Variants in BCLAF1 observed in about 807,000 individuals in gnomAD.
The protein encoded by BCLAF1 is BCL2 associated transcription factor 1.
Under a neutral mutation model 99.5 loss-of-function variants are expected in BCLAF1, and 10 were observed. The ratio of observed to expected loss-of-function variants is 0.10; its 90% CI spans 0.06 to 0.17. The LOEUF is 0.17. Among genes scored for constraint, BCLAF1 ranks in the 10% least tolerant of loss-of-function variants. The pLI, the probability that BCLAF1 is intolerant of heterozygous loss-of-function variation, is 1.00. For synonymous variants in BCLAF1, 255 were observed against 370.9 expected, an observed-to-expected ratio of 0.69 and a Z score of 3.59; for missense variants, 636 against 1,105.8, an observed-to-expected ratio of 0.58 and a Z score of 6.02.
chr6:136,277,955 T>C lies in BCLAF1; in HGVS notation c.926A>G (p.Asn309Ser), dbSNP rs1377970414. Residue 309 changes from asparagine (N) to serine (S), a missense_variant, in exon 4 of 13, where the codon AAT becomes AGT. By Grantham distance (46) the Asn-to-Ser change is conservative (BLOSUM62 1). Coordinates refer to ENST00000531224, the MANE Select transcript of BCLAF1 (RefSeq NM_014739.3). ...RSPAKTIAPQ[N>S]APRDESRGRS... Reference sequence around the variant, plus strand: ...GCCCCTAGACTCATCTCTTGGAGCATTCTGTGGTGCGATTGTCTTTGCAGG... The same window carrying C: ...GCCCCTAGACTCATCTCTTGGAGCACTCTGTGGTGCGATTGTCTTTGCAGG... The C allele has an allele frequency of 6.2e-7, 1 of 1,605,154 alleles. No individual in the cohort carries two copies. Among genetic ancestry groups the C allele is most frequent in the South Asian group, 1.1e-5 (1 of 90,328 alleles).
chr6:136,277,742 G>A (rs1313157760), intron 4 of BCLAF1, 123 bp downstream of exon 4: 2 of 1,148,438 alleles, frequency 1.7e-6, no homozygotes, highest in Non-Finnish European at 2.3e-6. Context: ...ATCTTAAAAT[G>A]AAGGAAGTCA....
chr6:136,269,780 TTGAC>T (rs1782257718), intron 8 of BCLAF1, 168 bp from the exon 9 acceptor site: 1 of 465,168 alleles, frequency 2.1e-6, no homozygotes. Flanking sequence ...AAAAATGTAC[TTGAC>T]TATTTTTACT....
chr6:136,269,638 G>T (rs758038031), intron 8 of BCLAF1, 26 bp from the exon 9 acceptor site: 2 of 1,530,006 alleles, frequency 1.3e-6, no homozygotes, highest in South Asian at 1.3e-5. Context: ...ATAAAATACA[G>T]ATTTCAGGGG....
At chr6:136,265,360 T>G (rs889490078) in intron 11 of BCLAF1, among the ~76,000 whole-genome samples, 1 of 152,168 alleles carries the variant, frequency 6.6e-6, no homozygotes, top group African/African-American at 2.4e-5. Flanking sequence ...AACTTAATCT[T>G]TTGAAAGGAG....
In BCLAF1 at chr6:136,260,435, T is replaced by C. The variant is rs761093287; in HGVS notation, c.*675A>G. 3 of 152,150 alleles carry C rather than the reference T, an allele frequency of 2.0e-5. No homozygotes were observed. The highest frequency in any genetic ancestry group is 2.9e-5 in the Non-Finnish European group (2 of 67,934). The allele number at this position is 152,150 out of a possible 1,614,324, so 9.4% of individuals were successfully genotyped here. ...CGCAAATAGAAAAGGCTCCTAAGAA[T>C]GTTCTTTATAGGCCACTGCTTGCTT... is the stretch of plus-strand genomic sequence containing the variant. On this transcript the variant is annotated 3_prime_UTR_variant, in exon 13 of 13. Transcript: ENST00000531224.
At chr6:136,275,797 T>A (rs1439744561) in intron 5 of BCLAF1, 46 bp downstream of exon 5, 1 of 1,582,096 alleles carries the variant, frequency 6.3e-7, no homozygotes, top group Admixed American at 1.8e-5. Context: ...TTAACTGGAA[T>A]ACTGACTGCC....
intron 1 of BCLAF1, among the ~76,000 whole-genome samples, chr6:136,284,839 G>GA (rs1159699489): frequency 2.6e-5 from 4 of 151,970 alleles, no homozygotes; most frequent in Non-Finnish European, 4.4e-5. Flanking sequence ...TGGAGGGGGG[G>GA]GAAAAGTACA....
chr6:136,283,578 C>G (rs1024538069), intron 1 of BCLAF1, among the ~76,000 whole-genome samples: 1 of 152,106 alleles, frequency 6.6e-6, no homozygotes, highest in Admixed American at 6.6e-5. Context: ...TAGTCAAAAG[C>G]ACCAGGCGAA....
At position 136,278,249 on chromosome 6, in the gene BCLAF1, T is replaced by G; in HGVS notation, c.632A>C (p.Asp211Ala). ...ATAAGCTGAAAGGCCAGGCCAAATA[T>G]CACCGGATGTGGCTGATGACTTATT... Reference protein sequence around the residue: ...EFNKSSATSGDIWPGLSAYDN... With the variant: ...EFNKSSATSGAIWPGLSAYDN... Residue 211 changes from aspartate to alanine, a missense_variant, in exon 4 of 13, where the codon GAT becomes GCT. By Grantham distance (126) the Asp-to-Ala change is moderately radical (BLOSUM62 -2). This residue lies in a region of BCLAF1 where 65 missense variants were observed against 90.9 expected (regional missense o/e 0.71). Coordinates refer to ENST00000531224, the MANE Select transcript of BCLAF1 (RefSeq NM_014739.3). The G allele has an allele frequency of 3.1e-6, 5 of 1,614,150 alleles. No individual in the cohort carries two copies. The highest frequency in any genetic ancestry group is 2.5e-6 in the Non-Finnish European group (3 of 1,180,008).
chr6:136,278,646 C>A lies in BCLAF1; in HGVS notation c.235G>T (p.Gly79Trp). 6.2e-7 allele frequency: 1 copy of A among 1,613,200 alleles called. No individual in the cohort carries two copies. The highest frequency in any genetic ancestry group is 8.5e-7 in the Non-Finnish European group (1 of 1,179,842). The stretch of plus-strand genomic sequence containing the variant: ...CTACCTCCTCCTCCTTGATAATACC[C>A]TCTACCCCTTCCTCTGTACCCATAA... ...RPYGYRGRGR[G>W]YYQGGGGRYH... The change falls in exon 4 of 13, where the codon GGG (glycine) becomes TGG (tryptophan). Residue 79 changes from glycine to tryptophan, a missense_variant. Physicochemically the swap from Gly to Trp is radical, Grantham distance 184. Coordinates refer to ENST00000531224, the MANE Select transcript of BCLAF1 (RefSeq NM_014739.3).
chr6:136,261,077 G>A lies in BCLAF1; in HGVS notation c.*33C>T, dbSNP rs1301550706. 1 of 1,552,204 alleles carries A rather than the reference G, an allele frequency of 6.4e-7. No individual in the cohort carries two copies. The highest frequency in any genetic ancestry group is 8.7e-7 in the Non-Finnish European group (1 of 1,149,838). The stretch of plus-strand genomic sequence containing the variant: ...CAGGTAAAAAAAATGGTGGGTGCAA[G>A]TTCTGCTCTGTTGTAATCTTACTTC... On this transcript the variant is annotated 3_prime_UTR_variant, in exon 13 of 13. Coordinates refer to ENST00000531224, the MANE Select transcript of BCLAF1 (RefSeq NM_014739.3).
chr6:136,257,064 C>CA lies in BCLAF1; in HGVS notation c.*4045dup, dbSNP rs1444470989. ...ATGAAATCTGGAAGCTGGCCAACCCCAAAAGATTAAGAAAAATTCGATGTA... is the reference window on the plus strand; with the variant it reads ...ATGAAATCTGGAAGCTGGCCAACCCCAAAAAGATTAAGAAAAATTCGATGTA... On this transcript the variant is annotated 3_prime_UTR_variant, in exon 13 of 13. Transcript: ENST00000531224. The CA allele has an allele frequency of 6.6e-6, 1 of 152,108 alleles. No individual in the cohort carries two copies. Among genetic ancestry groups the CA allele is most frequent in the Non-Finnish European group, 1.5e-5 (1 of 68,008 alleles). The allele number at this position is 152,108 out of a possible 1,614,324, so 9.4% of individuals were successfully genotyped here. A position where few individuals can be genotyped will look rare whatever the true frequency, so the allele number is the denominator to read the frequency against.
In BCLAF1 at chr6:136,268,349, A is replaced by G; in HGVS notation, c.2220-10T>C. On this transcript the variant is annotated splice_polypyrimidine_tract_variant and intron_variant, in intron 9 of 12. Transcript: ENST00000531224. ...CTCTCTTTTATGTTTACTGCAAAAT[A>G]AAGAAAACAAAAAATGTGATACTTT... The G allele has an allele frequency of 6.3e-7, 1 of 1,581,908 alleles. No individual in the cohort carries two copies.
chr6:136,263,525 GTTTAATT>G (rs1781307769), intron 11 of BCLAF1, among the ~76,000 whole-genome samples: 1 of 152,086 alleles, frequency 6.6e-6, no homozygotes, highest in Non-Finnish European at 1.5e-5. Flanking sequence ...TTATTAAAAT[GTTTAATT>G]TTTAATTATC....
chr6:136,279,702 A>T, intron 3 of BCLAF1, 61 bp downstream of exon 3: 1 of 1,375,618 alleles, frequency 7.3e-7, no homozygotes, highest in South Asian at 1.9e-5. Flanking sequence ...TGTTTACGAT[A>T]CTCATTCAAC....
chr6:136,279,026 C>CACACACACACACACACACGT lies in BCLAF1; in HGVS notation c.105-251_105-250insACGTGTGTGTGTGTGTGTGT, dbSNP rs1554219522. On this transcript the variant is annotated intron_variant, in intron 3 of 12. Transcript: ENST00000531224. ...ACACACACACACACACACACACACACGCATGTGTTATATATATCACATGCA... is the reference window on the plus strand; with the variant it reads ...ACACACACACACACACACACACACACACACACACACACACACACGTGCATGTGTTATATATATCACATGCA... Among the ~76,000 whole-genome samples the CACACACACACACACACACGT allele has an allele frequency of 2.9e-4, 44 of 151,196 alleles. No homozygotes were observed. The South Asian group carries it at 2.9e-3, about 10-fold the overall frequency.
chr6:136,268,035 A>G, intron 10 of BCLAF1, 127 bp downstream of exon 10: 5 of 952,070 alleles, frequency 5.3e-6, no homozygotes, highest in Non-Finnish European at 7.4e-6. Flanking sequence ...TCATGTTTCA[A>G]TACTATCTCT....
intron 8 of BCLAF1, chr6:136,269,906 GTAAAT>G: frequency 4.5e-6 from 1 of 223,976 alleles, no homozygotes. Flanking sequence ...TTTTTGTACA[GTAAAT>G]GATACAAATA....
At chr6:136,265,309 C>T (rs1781567827) in intron 11 of BCLAF1, among the ~76,000 whole-genome samples, 1 of 152,112 alleles carries the variant, frequency 6.6e-6, no homozygotes, top group Admixed American at 6.5e-5. Flanking sequence ...TGGACAGCTC[C>T]ATTTCTCCCA....
Sources: allele counts gnomAD v4.1 joint callset (sites outside exome capture counted in the v4.1 genomes callset), GRCh38; gene constraint gnomAD v4.1.1; regional missense constraint gnomAD v4.1.1; transcripts MANE v1.5; gene names NCBI Gene and HGNC (gene_info 2026-07-23, HGNC 2026-07-21).